PLA2R1: variants seen among roughly 807,000 people sequenced by gnomAD.
PLA2R1 encodes the protein secretory phospholipase A2 receptor.
A neutral mutation model predicts 195.9 loss-of-function variants in PLA2R1; 158 were observed. That is an observed-to-expected ratio of 0.81 (90% CI 0.71 to 0.92). The LOEUF (loss-of-function observed/expected upper bound fraction) is 0.92. PLA2R1 is among the 40% of genes least tolerant of loss of function. PLA2R1 has a pLI of 0.00. For synonymous variants in PLA2R1, 586 were observed against 598.2 expected (o/e 0.98, Z 0.30); for missense variants, 1,626 against 1,764.6 (o/e 0.92, Z 1.41).
chr2:159,970,192 A>T lies in PLA2R1; in HGVS notation c.2616T>A (p.Ser872Arg). The T allele has an allele frequency of 1.2e-6, 2 of 1,609,698 alleles. No individual in the cohort carries two copies. The highest frequency in any genetic ancestry group is 1.7e-6 in the Non-Finnish European group (2 of 1,177,452). ...TTTCTTCTTGAAGTCCAATCCACCA[A>T]CTTGCACCATACTTTGATAGCTATT... ...KIKALSKYGASWWIGLQEERA... is the reference protein window; with the variant it reads ...KIKALSKYGARWWIGLQEERA... The change falls in exon 18 of 30, where the codon AGT becomes AGA. Residue 872 changes from serine (S) to arginine (R), a missense_variant. Ser to Arg is a moderately radical substitution (Grantham distance 110). Transcript: ENST00000283243.
chr2:159,956,915 G>A (rs1688130260), intron 20 of PLA2R1, among the ~76,000 whole-genome samples: 1 of 151,098 alleles, frequency 6.6e-6, no homozygotes, highest in African/African-American at 2.4e-5. Flanking sequence ...ATGAAAAGTA[G>A]TATTCTTCCT....
chr2:160,056,312 G>A (rs1192749391), intron 1 of PLA2R1, among the ~76,000 whole-genome samples: 3 of 152,192 alleles, frequency 2.0e-5, no homozygotes, highest in African/African-American at 4.8e-5. Context: ...GATGTAAAAT[G>A]TATTTCTTAT....
intron 28 of PLA2R1, among the ~76,000 whole-genome samples, chr2:159,944,549 C>T (rs766407485): frequency 3.7e-4 from 56 of 151,810 alleles, no homozygotes; most frequent in Non-Finnish European, 6.6e-4. Context: ...TTTCCTGAGG[C>T]CAAACATAAA....
At chr2:159,973,589 C>A (rs1689332311) in intron 17 of PLA2R1, among the ~76,000 whole-genome samples, 1 of 152,078 alleles carries the variant, frequency 6.6e-6, no homozygotes, top group Non-Finnish European at 1.5e-5. Flanking sequence ...ATTCACCAGA[C>A]ATCAAATCTG....
rs754842517 is a variant in PLA2R1 at position 159,951,596 on chromosome 2, A to G, written c.3302-18T>C. The G allele has an allele frequency of 2.4e-6, 3 of 1,273,046 alleles. No individual in the cohort carries two copies. The highest frequency in any genetic ancestry group is 3.5e-6 in the Non-Finnish European group (3 of 867,252). 78.9% of individuals were successfully genotyped at this position (1,273,046 alleles called of 1,614,324 possible). A position where few individuals can be genotyped will look rare whatever the true frequency, so the allele number is the denominator to read the frequency against. ...AGAAGTATCTAGAACAAGAACAGCAACAAAAGTCATTTGCAGCATCTGGAT... is the reference window on the plus strand; with the variant it reads ...AGAAGTATCTAGAACAAGAACAGCAGCAAAAGTCATTTGCAGCATCTGGAT... On this transcript the variant is annotated intron_variant, in intron 23 of 29. Coordinates refer to ENST00000283243, the MANE Select transcript of PLA2R1 (RefSeq NM_007366.5).
At chr2:160,055,032 C>T (rs1161612952) in intron 1 of PLA2R1, among the ~76,000 whole-genome samples, 4 of 152,140 alleles carry the variant, frequency 2.6e-5, no homozygotes, top group African/African-American at 9.7e-5. Flanking sequence ...AGGGGAGCTG[C>T]AGGGACAACT....
At chr2:160,041,951 G>A in intron 3 of PLA2R1, 74 bp downstream of exon 3, 1 of 1,185,986 alleles carries the variant, frequency 8.4e-7, no homozygotes, top group South Asian at 1.4e-5. Flanking sequence ...CAGTGCTTTT[G>A]TTTAGATACA....
At chr2:160,031,449 C>T (rs996389747) in intron 4 of PLA2R1, among the ~76,000 whole-genome samples, 15 of 152,098 alleles carry the variant, frequency 9.9e-5, no homozygotes, top group African/African-American at 3.4e-4. Flanking sequence ...AAACTGTGTA[C>T]GTAGTTGTTG....
At chr2:160,040,867 T>C (rs962357069) in intron 3 of PLA2R1, among the ~76,000 whole-genome samples, 1 of 152,234 alleles carries the variant, frequency 6.6e-6, no homozygotes, top group African/African-American at 2.4e-5. Flanking sequence ...CTGCAATGGT[T>C]AACCCTTGTG....
chr2:159,989,779 G>A (rs1192103844), intron 11 of PLA2R1, among the ~76,000 whole-genome samples: 1 of 152,148 alleles, frequency 6.6e-6, no homozygotes, highest in Non-Finnish European at 1.5e-5. Flanking sequence ...TGTGGCATAA[G>A]TTCTGCCTGC....
rs547083161 is a variant in PLA2R1 at position 160,007,224 on chromosome 2, A to G, written c.1665-1403T>C. 2.6e-5 allele frequency among the ~76,000 whole-genome samples: 4 copies of G among 152,316 alleles called. No homozygotes were observed. The East Asian group carries it at 5.8e-4, about 22-fold the overall frequency. On this transcript the variant is annotated intron_variant, in intron 10 of 29. Transcript: ENST00000283243. ...ATTTTCCTTACACTTCTGTTGGTTC[A>G]TGCTCTCAATAATATACGATCTGCT...
chr2:159,986,182 A>G lies in PLA2R1; in HGVS notation c.2037+974T>C, dbSNP rs963409468. Among the ~76,000 whole-genome samples, 17 of 152,076 alleles carry G rather than the reference A, an allele frequency of 1.1e-4. 1 individual carries two copies. Among genetic ancestry groups the G allele is most frequent in the African/African-American group, 3.6e-4 (15 of 41,424 alleles). ...CCCAAATCCAAAAATCCAAGCTCCA[A>G]AATGCTCCAAAATGCAAAACTTTTT... On this transcript the variant is annotated intron_variant, in intron 12 of 29. Transcript: ENST00000283243.
intron 23 of PLA2R1, among the ~76,000 whole-genome samples, chr2:159,953,364 A>G (rs1687883819): frequency 6.6e-6 from 1 of 152,388 alleles, no homozygotes; most frequent in South Asian, 2.1e-4. Context: ...CAATGTAAGC[A>G]CATATGTATC....
intron 1 of PLA2R1, among the ~76,000 whole-genome samples, chr2:160,058,832 C>A (rs922633048): frequency 1.2e-4 from 19 of 152,096 alleles, no homozygotes; most frequent in Non-Finnish European, 1.5e-4. Context: ...TTTCCACAGG[C>A]CAATGGGGTG....
intron 20 of PLA2R1, among the ~76,000 whole-genome samples, chr2:159,958,916 T>TTTTTA (rs1688269876): frequency 6.6e-6 from 1 of 152,212 alleles, no homozygotes; most frequent in Admixed American, 6.5e-5. Flanking sequence ...AACTCAGTCC[T>TTTTTA]GATCATGTCA....
At position 159,939,850 on chromosome 2, in the gene PLA2R1, G is replaced by T. The variant is rs1004975090; in HGVS notation, c.*1928C>A. ...ATTCCACTCAAAAGATGGTTAAATT[G>T]GGCTTTTATACCATCTGGTGAGTTC... On this transcript the variant is annotated 3_prime_UTR_variant, in exon 30 of 30. Transcript: ENST00000283243. The T allele has an allele frequency of 2.6e-5, 4 of 152,144 alleles. No homozygotes were observed. Among genetic ancestry groups the T allele is most frequent in the African/African-American group, 7.2e-5 (3 of 41,426 alleles). 9.4% of individuals were successfully genotyped at this position (152,144 alleles called of 1,614,324 possible). A position where few individuals can be genotyped will look rare whatever the true frequency, so the allele number is the denominator to read the frequency against.
chr2:160,003,905 C>T (rs920858188), intron 11 of PLA2R1, among the ~76,000 whole-genome samples: 1 of 152,010 alleles, frequency 6.6e-6, no homozygotes, highest in African/African-American at 2.4e-5. Context: ...TTTCAAATGT[C>T]GACTAATAAA....
In PLA2R1 at chr2:159,970,214, T is replaced by C. The variant is rs1486083073; in HGVS notation, c.2596-2A>G. Reference sequence around the variant, plus strand: ...CCAACTTGCACCATACTTTGATAGCTATTGAAAGAAAAAAAGTCAGCATTT... The same window carrying C: ...CCAACTTGCACCATACTTTGATAGCCATTGAAAGAAAAAAAGTCAGCATTT... On this transcript the variant is annotated splice_acceptor_variant, in intron 17 of 29. Transcript: ENST00000283243. LOFTEE classifies it high-confidence loss of function. 3 of 1,603,206 alleles carry C rather than the reference T, an allele frequency of 1.9e-6. No homozygotes were observed. The highest frequency in any genetic ancestry group is 2.2e-5 in the East Asian group (1 of 44,662).
intron 18 of PLA2R1, among the ~76,000 whole-genome samples, 185 bp downstream of exon 18, chr2:159,969,963 G>C (rs1017303423): frequency 1.3e-5 from 2 of 152,202 alleles, no homozygotes; most frequent in Admixed American, 6.5e-5. Flanking sequence ...TTTATGGCTA[G>C]ATTGTCGGGA....
Sources: allele counts gnomAD v4.1 joint callset (sites outside exome capture counted in the v4.1 genomes callset), GRCh38; gene constraint gnomAD v4.1.1; transcripts MANE v1.5; gene names NCBI Gene and HGNC (gene_info 2026-07-23, HGNC 2026-07-21).